The following PGM3 variants were observed in gnomAD, a reference collection of about 807,000 sequenced individuals.
PGM3 encodes the protein phosphoacetylglucosamine mutase.
PGM3 carries 40 observed loss-of-function variants against 66.2 expected under a neutral mutation model. The ratio of observed to expected loss-of-function variants is 0.60; its 90% CI spans 0.47 to 0.79. The LOEUF (loss-of-function observed/expected upper bound fraction) is 0.79. Among genes scored for constraint, PGM3 ranks in the 30% least tolerant of loss-of-function variants. The pLI is 0.00. For synonymous variants in PGM3, 191 were observed against 224.2 expected (o/e 0.85, Z 1.32); for missense variants, 537 against 643.4 (o/e 0.83, Z 1.79).
intron 1 of PGM3, among the ~76,000 whole-genome samples, chr6:83,192,910 C>T (rs1789254119): frequency 6.6e-6 from 1 of 152,174 alleles, no homozygotes; most frequent in African/African-American, 2.4e-5. Context: ...AATCACCGCA[C>T]AAGGGTGATT....
At chr6:83,178,004 C>G (rs896808759) in intron 8 of PGM3, among the ~76,000 whole-genome samples, 4 of 152,186 alleles carry the variant, frequency 2.6e-5, no homozygotes, top group African/African-American at 9.7e-5. Context: ...CTTTCTCCTA[C>G]CACTGCAAAA....
At position 83,168,714 on chromosome 6, in the gene PGM3, C is replaced by G. The variant is rs890568734; in HGVS notation, c.*520G>C. ...CAGTATGGAAGAGGGATGGACAACC[C>G]CCTATTCATACCTCTGAGTTCCTGA... On this transcript the variant is annotated 3_prime_UTR_variant, in exon 13 of 13. Transcript: ENST00000513973. 1.0e-6 allele frequency: 1 copy of G among 996,440 alleles called. No individual in the cohort carries two copies. The highest frequency in any genetic ancestry group is 1.7e-5 in the African/African-American group (1 of 57,272). 61.7% of individuals were successfully genotyped at this position (996,440 alleles called of 1,614,324 possible).
the PGM3 span, among the ~76,000 whole-genome samples, chr6:83,155,658 C>G: frequency 2.6e-5 from 4 of 152,132 alleles, no homozygotes; most frequent in African/African-American, 9.7e-5. Context: ...CAGATGGCCT[C>G]AAATATTAAA....
chr6:83,154,740 C>T, the PGM3 span, among the ~76,000 whole-genome samples: 1 of 152,042 alleles, frequency 6.6e-6, no homozygotes. Context: ...CCCCCACCCC[C>T]TCTTTCTACT....
At chr6:83,189,136 G>T (rs1788844589) in intron 2 of PGM3, among the ~76,000 whole-genome samples, 1 of 152,038 alleles carries the variant, frequency 6.6e-6, no homozygotes, top group Non-Finnish European at 1.5e-5. Context: ...TATCTTACTC[G>T]CCTAAAAACA....
chr6:83,180,060 C>A, intron 6 of PGM3, 93 bp from the exon 7 acceptor site: 1 of 929,804 alleles, frequency 1.1e-6, no homozygotes, highest in South Asian at 1.9e-5. Context: ...ACCTAAAAAT[C>A]AATGTCTTAA....
At chr6:83,178,806 A>G (rs769163397) in intron 7 of PGM3, 50 bp from the exon 8 acceptor site, 3 of 1,057,434 alleles carry the variant, frequency 2.8e-6, no homozygotes, top group East Asian at 2.4e-5. Context: ...ATGGTCTACA[A>G]AAACAAATAT....
At chr6:83,186,192 C>T (rs1788567144) in intron 4 of PGM3, among the ~76,000 whole-genome samples, 1 of 152,100 alleles carries the variant, frequency 6.6e-6, no homozygotes, top group South Asian at 2.1e-4. Context: ...TTAATAATCC[C>T]TACTTTACAA....
chr6:83,157,851 C>T (rs1211240329), downstream of PGM3, among the ~76,000 whole-genome samples: 5 of 152,144 alleles, frequency 3.3e-5, no homozygotes, highest in Non-Finnish European at 7.4e-5. Flanking sequence ...CTCCTCAAAC[C>T]GTACACAGTC....
downstream of PGM3, chr6:83,164,571 C>T: frequency 8.1e-7 from 1 of 1,231,138 alleles, no homozygotes; most frequent in Non-Finnish European, 1.2e-6. Flanking sequence ...AGGCATCTTC[C>T]CATCCAAATC....
chr6:83,160,751 A>G (rs1197138003), downstream of PGM3, among the ~76,000 whole-genome samples: 2 of 152,338 alleles, frequency 1.3e-5, no homozygotes, highest in Non-Finnish European at 2.9e-5. Context: ...ATTTATCCAC[A>G]AGATCAAATA....
chr6:83,150,057 T>C, the PGM3 span, among the ~76,000 whole-genome samples: 2 of 152,210 alleles, frequency 1.3e-5, no homozygotes, highest in Non-Finnish European at 2.9e-5. Context: ...TAAGTGTTGA[T>C]TCTTCTTTGA....
chr6:83,167,941 G>A lies in PGM3; in HGVS notation c.*1293C>T, dbSNP rs905788975. ...TTGCTGCTCACCATCTGCACCGTGC[G>A]CAGTATGGAGCAGCTCCTGCCGTTC... On this transcript the variant is annotated 3_prime_UTR_variant, in exon 13 of 13. Transcript: ENST00000513973. 22 of 1,614,024 alleles carry A rather than the reference G, an allele frequency of 1.4e-5. No individual in the cohort carries two copies. The highest frequency in any genetic ancestry group is 1.3e-4 in the East Asian group (6 of 44,886).
At position 83,170,427 on chromosome 6, in the gene PGM3, T is replaced by C; in HGVS notation, c.1417A>G (p.Thr473Ala). Residue 473 changes from threonine to alanine, a missense_variant, in exon 12 of 13, where the codon ACA becomes GCA. Transcript: ENST00000513973. The stretch of plus-strand genomic sequence containing the variant: ...ATTGCCTCCTGTAATCCTGGGGGTG[T>C]AACTGCTTGTCTTTCAGCATCGGTA... Reference protein sequence around the residue: ...STTDAERQAVTPPGLQEAIND... With the variant: ...STTDAERQAVAPPGLQEAIND... 6.2e-7 allele frequency: 1 copy of C among 1,614,148 alleles called. No individual in the cohort carries two copies. The highest frequency in any genetic ancestry group is 8.5e-7 in the Non-Finnish European group (1 of 1,179,980).
At chr6:83,193,841 G>A (rs990602208), upstream of PGM3, 4 of 152,636 alleles carry the variant, frequency 2.6e-5, no homozygotes, top group Admixed American at 1.3e-4. Context: ...TGGGTCCCTC[G>A]GGGCAGAGGC....
rs1178163216 is a variant in PGM3 at position 83,167,630 on chromosome 6, C to T, written c.*1604G>A. 9 of 1,234,158 alleles carry T rather than the reference C, an allele frequency of 7.3e-6. No individual in the cohort carries two copies. The highest frequency in any genetic ancestry group is 6.3e-5 in the South Asian group (2 of 31,704). The allele number at this position is 1,234,158 out of a possible 1,614,324, so 76.5% of individuals were successfully genotyped here. On this transcript the variant is annotated 3_prime_UTR_variant, in exon 13 of 13. Transcript: ENST00000513973. ...TATTTCTGTTAACTAAGCTTATCTG[C>T]GCATTCTAGTTGGGAACTATTACTA... is the stretch of plus-strand genomic sequence containing the variant.
chr6:83,174,043 C>T (rs1193740202), intron 10 of PGM3, among the ~76,000 whole-genome samples: 1 of 151,948 alleles, frequency 6.6e-6, no homozygotes, highest in Non-Finnish European at 1.5e-5. Context: ...GCCTGACAAC[C>T]AGTTATTTTT....
At chr6:83,153,745 TA>T in the PGM3 span, 7 of 1,173,310 alleles carry the variant, frequency 6.0e-6, no homozygotes, top group South Asian at 5.4e-5. Context: ...TATAATTGTT[TA>T]AAAAAATTCA....
At chr6:83,163,444 A>G (rs1784709221), downstream of PGM3, among the ~76,000 whole-genome samples, 1 of 152,232 alleles carries the variant, frequency 6.6e-6, no homozygotes, top group South Asian at 2.1e-4. Context: ...TTTGTAAAAT[A>G]TGAGTCAGAT....
Sources: allele counts gnomAD v4.1 joint callset (sites outside exome capture counted in the v4.1 genomes callset), GRCh38; gene constraint gnomAD v4.1.1; transcripts MANE v1.5; gene names NCBI Gene and HGNC (gene_info 2026-07-23, HGNC 2026-07-21).